Variants in PLXDC1 observed in about 807,000 individuals in gnomAD.
PLXDC1 encodes the protein plexin domain-containing protein 1.
In PLXDC1, 39 loss-of-function variants were observed where a neutral mutation model predicts 61.3. The observed-to-expected ratio is 0.64, with a 90% CI of 0.49 to 0.83. The LOEUF (loss-of-function observed/expected upper bound fraction) is 0.83, where lower values mean the gene tolerates loss of function less well. Among genes scored for constraint, PLXDC1 ranks in the 40% least tolerant of loss-of-function variants. PLXDC1 has a pLI of 0.00. For synonymous variants in PLXDC1, 212 were observed against 254.5 expected (o/e 0.83, Z 1.59); for missense variants, 596 against 666.5 (o/e 0.89, Z 1.17).
chr17:39,128,556 G>A (rs1453067445), intron 2 of PLXDC1, among the ~76,000 whole-genome samples: 1 of 151,840 alleles, frequency 6.6e-6, no homozygotes, highest in African/African-American at 2.4e-5. Context: ...AACAAGTGTT[G>A]GCGAGGATGT....
Position 39,128,119 on chromosome 17 carries a change from A to ATATATATG in PLXDC1, c.255+11527_255+11534dup, listed in dbSNP as rs1649086833. ...TGTGTATATATATATATATATGTAT[A>ATATATATG]TATATATGTGTATATATATGTATAT... is the stretch of plus-strand genomic sequence containing the variant. On this transcript the variant is annotated intron_variant, in intron 2 of 13. Coordinates refer to ENST00000315392, the MANE Select transcript of PLXDC1 (RefSeq NM_020405.5). Among the ~76,000 whole-genome samples the ATATATATG allele has an allele frequency of 1.6e-5, 2 of 124,804 alleles. 1 individual carries two copies. The highest frequency in any genetic ancestry group is 6.7e-5 in the African/African-American group (2 of 30,046). 81.9% of individuals were successfully genotyped at this position (124,804 alleles called of 152,430 possible). A position where few individuals can be genotyped will look rare whatever the true frequency, so the allele number is the denominator to read the frequency against.
chr17:39,119,661 T>G (rs1911097132), intron 2 of PLXDC1, among the ~76,000 whole-genome samples: 1 of 151,980 alleles, frequency 6.6e-6, no homozygotes, highest in Non-Finnish European at 1.5e-5. Context: ...AGGAGAATCG[T>G]TTGAGCCTGG....
chr17:39,142,181 A>T (rs1911956446), intron 1 of PLXDC1, among the ~76,000 whole-genome samples: 1 of 152,206 alleles, frequency 6.6e-6, no homozygotes, highest in South Asian at 2.1e-4. Flanking sequence ...CCCCTGGGGA[A>T]TAAAATTAAC....
At chr17:39,101,591 C>T (rs1449076076) in intron 7 of PLXDC1, among the ~76,000 whole-genome samples, 6 of 152,150 alleles carry the variant, frequency 3.9e-5, no homozygotes. Context: ...AGACTATAAC[C>T]CACCCAAATG....
intron 2 of PLXDC1, among the ~76,000 whole-genome samples, chr17:39,124,475 C>A (rs887907827): frequency 6.6e-6 from 1 of 152,178 alleles, no homozygotes. Context: ...CATCTGTAGT[C>A]CCAGCTACTA....
intron 6 of PLXDC1, among the ~76,000 whole-genome samples, chr17:39,107,038 T>C (rs1482044215): frequency 6.8e-4 from 103 of 152,194 alleles, no homozygotes; most frequent in Non-Finnish European, 2.2e-4. Flanking sequence ...TTGTCTCTCC[T>C]AGAACATACT....
intron 2 of PLXDC1, among the ~76,000 whole-genome samples, chr17:39,121,250 C>T (rs1181643011): frequency 6.6e-6 from 1 of 152,168 alleles, no homozygotes; most frequent in Non-Finnish European, 1.5e-5. Context: ...AGATAGCTCA[C>T]CTTTTTTGGG....
chr17:39,113,726 C>T (rs1199677977), intron 2 of PLXDC1, among the ~76,000 whole-genome samples: 1 of 152,028 alleles, frequency 6.6e-6, no homozygotes, highest in African/African-American at 2.4e-5. Context: ...TGGTGCATGC[C>T]TGTAGTCCCA....
intron 2 of PLXDC1, among the ~76,000 whole-genome samples, chr17:39,131,431 G>A (rs1425345082): frequency 6.6e-6 from 1 of 151,574 alleles, no homozygotes; most frequent in Non-Finnish European, 1.5e-5. Flanking sequence ...TTGGCTCACT[G>A]CAACCTCCAC....
chr17:39,072,904 G>C (rs1215888156), intron 11 of PLXDC1, among the ~76,000 whole-genome samples: 1 of 152,170 alleles, frequency 6.6e-6, no homozygotes, highest in Non-Finnish European at 1.5e-5. Flanking sequence ...GTAGCCTGTG[G>C]CTTTCTAAGT....
At position 39,066,930 on chromosome 17, in the gene PLXDC1, A is replaced by G. The variant is rs1908917859; in HGVS notation, c.*910T>C. 1 of 152,220 alleles carries G rather than the reference A, an allele frequency of 6.6e-6. No individual in the cohort carries two copies. Among genetic ancestry groups the G allele is most frequent in the African/African-American group, 2.4e-5 (1 of 41,440 alleles). 9.4% of individuals were successfully genotyped at this position (152,220 alleles called of 1,614,324 possible). A position where few individuals can be genotyped will look rare whatever the true frequency, so the allele number is the denominator to read the frequency against. ...GGGAACCTGGAATGCAGCAGCCCCAATCTTGACTTTAGTTAACCTGTGTCA... is the reference window on the plus strand; with the variant it reads ...GGGAACCTGGAATGCAGCAGCCCCAGTCTTGACTTTAGTTAACCTGTGTCA... On this transcript the variant is annotated 3_prime_UTR_variant, in exon 14 of 14. Coordinates refer to ENST00000315392, the MANE Select transcript of PLXDC1 (RefSeq NM_020405.5).
intron 2 of PLXDC1, among the ~76,000 whole-genome samples, chr17:39,128,880 C>G (rs1053541115): frequency 6.6e-6 from 1 of 151,950 alleles, no homozygotes; most frequent in East Asian, 1.9e-4. Context: ...TGTGGTGGCA[C>G]GCGCCTGTAG....
At chr17:39,085,195 G>C (rs576035882) in intron 8 of PLXDC1, among the ~76,000 whole-genome samples, 98 of 152,380 alleles carry the variant, frequency 6.4e-4, no homozygotes, top group Middle Eastern at 6.8e-3. Flanking sequence ...CCCTGGGTGA[G>C]TGGGAGAGAG....
chr17:39,103,385 A>G (rs976838108), intron 7 of PLXDC1, among the ~76,000 whole-genome samples: 1 of 152,024 alleles, frequency 6.6e-6, no homozygotes, highest in African/African-American at 2.4e-5. Flanking sequence ...CCAAAAAAAA[A>G]TTTAAAAATT....
chr17:39,139,633 C>T (rs751690623), intron 2 of PLXDC1, 21 bp downstream of exon 2: 8 of 1,585,826 alleles, frequency 5.0e-6, no homozygotes, highest in Non-Finnish European at 6.9e-6. Flanking sequence ...CGCTCCCCCT[C>T]CATGTTCCTC....
At chr17:39,068,941 G>T (rs541513190) in intron 13 of PLXDC1, among the ~76,000 whole-genome samples, 2 of 152,186 alleles carry the variant, frequency 1.3e-5, no homozygotes, top group Non-Finnish European at 2.9e-5. Context: ...GTGGAGGACT[G>T]GGGGCAGGAG....
chr17:39,140,304 CT>C (rs1257780329), intron 1 of PLXDC1, among the ~76,000 whole-genome samples: 2 of 148,916 alleles, frequency 1.3e-5, no homozygotes, highest in African/African-American at 5.0e-5. Flanking sequence ...CATTCAATTT[CT>C]TTTTCTTTTT....
intron 8 of PLXDC1, among the ~76,000 whole-genome samples, chr17:39,085,344 G>T (rs1281902735): frequency 6.6e-6 from 1 of 152,228 alleles, no homozygotes; most frequent in Non-Finnish European, 1.5e-5. Context: ...AAAGAAGCAG[G>T]GGCTGCCCTG....
At position 39,147,049 on chromosome 17, in the gene PLXDC1, G is replaced by A. The variant is rs577236679; in HGVS notation, c.76+4313C>T. Among the ~76,000 whole-genome samples the A allele has an allele frequency of 1.2e-4, 18 of 146,396 alleles. No individual in the cohort carries two copies. In the East Asian group the frequency reaches 1.7e-3, roughly 14 times the overall value. ...CGGCTCACTGCAACCTCTGCCTCCC[G>A]GATTCAAGCAATTCTCCTGCCTCAG... On this transcript the variant is annotated intron_variant, in intron 1 of 13. Transcript: ENST00000315392.
Sources: allele counts gnomAD v4.1 joint callset (sites outside exome capture counted in the v4.1 genomes callset), GRCh38; gene constraint gnomAD v4.1.1; transcripts MANE v1.5; gene names NCBI Gene and HGNC (gene_info 2026-07-23, HGNC 2026-07-21).